The following MAML3 variants were observed in gnomAD, a reference collection of about 807,000 sequenced individuals.
The protein encoded by MAML3 is mastermind-like protein 3.
Under a neutral mutation model 101.9 loss-of-function variants are expected in MAML3, and 27 were observed. That is an observed-to-expected ratio of 0.27 (90% CI 0.20 to 0.37). The LOEUF (loss-of-function observed/expected upper bound fraction) is 0.37, where lower values mean the gene tolerates loss of function less well. MAML3 is among the 10% of genes least tolerant of loss of function. The pLI is 1.00. For synonymous variants in MAML3, 501 were observed against 555.9 expected, an observed-to-expected ratio of 0.90 and a Z score of 1.39; for missense variants, 1,316 against 1,444.9, an observed-to-expected ratio of 0.91 and a Z score of 1.45.
chr4:140,134,865 C>T (rs1728858525), intron 1 of MAML3, among the ~76,000 whole-genome samples: 1 of 152,246 alleles, frequency 6.6e-6, no homozygotes, highest in African/African-American at 2.4e-5. Flanking sequence ...GCACGAATCA[C>T]AATGGCACGG....
chr4:139,859,760 C>G (rs977217418), intron 2 of MAML3, among the ~76,000 whole-genome samples: 1 of 152,302 alleles, frequency 6.6e-6, no homozygotes, highest in Admixed American at 6.5e-5. Flanking sequence ...GGTTAATTAC[C>G]TTGCTTGTAA....
At chr4:139,829,636 C>T (rs1731127077) in intron 2 of MAML3, among the ~76,000 whole-genome samples, 1 of 152,188 alleles carries the variant, frequency 6.6e-6, no homozygotes, top group Non-Finnish European at 1.5e-5. Context: ...AAGAAAAATA[C>T]AAATCTTACC....
intron 1 of MAML3, among the ~76,000 whole-genome samples, chr4:139,979,284 A>C (rs1734402222): frequency 1.3e-5 from 2 of 152,198 alleles, no homozygotes; most frequent in Non-Finnish European, 2.9e-5. Context: ...GTCTAGACTT[A>C]CCTGGCTCAT....
At chr4:140,120,782 G>T (rs142354904) in intron 1 of MAML3, among the ~76,000 whole-genome samples, 1 of 152,114 alleles carries the variant, frequency 6.6e-6, no homozygotes, top group Non-Finnish European at 1.5e-5. Context: ...TAGGGAAAAG[G>T]TGTCCTTCAC....
At chr4:139,859,022 C>T (rs529194108) in intron 2 of MAML3, among the ~76,000 whole-genome samples, 1 of 152,180 alleles carries the variant, frequency 6.6e-6, no homozygotes, top group Admixed American at 6.5e-5. Context: ...TCTGAGAATA[C>T]CATCATGATT....
chr4:140,129,635 G>A (rs1408370657), intron 1 of MAML3, among the ~76,000 whole-genome samples: 1 of 152,014 alleles, frequency 6.6e-6, no homozygotes, highest in African/African-American at 2.4e-5. Context: ...AATCCATACA[G>A]CAACGAAAAG....
At position 139,756,534 on chromosome 4, in the gene MAML3, A is replaced by G. The variant is rs944857069; in HGVS notation, c.2080-25867T>C. On this transcript the variant is annotated intron_variant, in intron 2 of 4. Transcript: ENST00000509479. ...TTAAACCTTAAAGGGACCCCGAGGC[A>G]CTAGCTAACTTCTCCCTCACAGGGA... Among the ~76,000 whole-genome samples the G allele has an allele frequency of 3.9e-5, 6 of 152,214 alleles. No individual in the cohort carries two copies. In the East Asian group the frequency reaches 5.8e-4, roughly 15 times the overall value.
At chr4:139,895,363 T>C (rs984612082) in intron 1 of MAML3, among the ~76,000 whole-genome samples, 32 of 152,208 alleles carry the variant, frequency 2.1e-4, no homozygotes, top group African/African-American at 6.0e-4. Context: ...TTCCAGTAGC[T>C]CAGAATAGAC....
intron 1 of MAML3, among the ~76,000 whole-genome samples, chr4:140,057,085 G>A (rs1727361507): frequency 6.6e-6 from 1 of 152,058 alleles, no homozygotes; most frequent in Non-Finnish European, 1.5e-5. Flanking sequence ...GCCCAGCCTG[G>A]GCAATGAAGC....
At chr4:139,790,619 T>C (rs1730392398) in intron 2 of MAML3, among the ~76,000 whole-genome samples, 1 of 152,200 alleles carries the variant, frequency 6.6e-6, no homozygotes, top group Non-Finnish European at 1.5e-5. Context: ...TCAGGTATCT[T>C]ATATAGATGG....
chr4:139,993,343 C>T (rs755784212), intron 1 of MAML3, among the ~76,000 whole-genome samples: 1 of 74,390 alleles, frequency 1.3e-5, no homozygotes, highest in Non-Finnish European at 2.9e-5. Context: ...CAGAGTGAGA[C>T]TCCATCTCAA....
intron 1 of MAML3, among the ~76,000 whole-genome samples, chr4:140,065,988 G>A (rs536663981): frequency 2.0e-5 from 3 of 152,308 alleles, no homozygotes; most frequent in Admixed American, 1.3e-4. Flanking sequence ...ATTTGTAAGA[G>A]CTTACACAGA....
chr4:139,761,733 C>T (rs11100264), intron 2 of MAML3, among the ~76,000 whole-genome samples: 61,534 of 151,956 alleles, frequency 0.4, 14,155 homozygotes, highest in Middle Eastern at 0.55. Context: ...GCCTGTGAAA[C>T]GGTGAGGCAA....
intron 2 of MAML3, among the ~76,000 whole-genome samples, chr4:139,768,111 T>C (rs986800020): frequency 1.3e-5 from 2 of 152,160 alleles, no homozygotes; most frequent in Non-Finnish European, 2.9e-5. Flanking sequence ...ATGAGTTTTG[T>C]CTTGATGATT....
intron 1 of MAML3, among the ~76,000 whole-genome samples, chr4:139,949,076 C>T (rs1317811614): frequency 3.9e-5 from 6 of 151,960 alleles, no homozygotes; most frequent in Non-Finnish European, 5.9e-5. Flanking sequence ...AGTGCAGTGG[C>T]GCGATCTCGG....
chr4:140,093,213 A>G (rs1728092285), intron 1 of MAML3, among the ~76,000 whole-genome samples: 1 of 152,210 alleles, frequency 6.6e-6, no homozygotes, highest in East Asian at 1.9e-4. Flanking sequence ...GCCATATTAT[A>G]GACTGGTGAT....
chr4:139,803,198 G>A (rs1360831485), intron 2 of MAML3, among the ~76,000 whole-genome samples: 1 of 152,198 alleles, frequency 6.6e-6, no homozygotes, highest in East Asian at 1.9e-4. Context: ...AGAGGCTGCA[G>A]TGAGCCAAGA....
chr4:140,023,240 C>T (rs4863727), intron 1 of MAML3, among the ~76,000 whole-genome samples: 127,050 of 152,184 alleles, frequency 0.83, 53,990 homozygotes, highest in Non-Finnish European at 0.91. Flanking sequence ...AGAAGTTGCC[C>T]AGCTTCCCTG....
rs70943471 is a variant in MAML3, at chr4:140,060,365, C to CAAAAAAAAAAAAAAAAAAAAAAA, written c.468+92494_468+92495insTTTTTTTTTTTTTTTTTTTTTTT. On this transcript the variant is annotated intron_variant, in intron 1 of 4. Coordinates refer to ENST00000509479, the MANE Select transcript of MAML3 (RefSeq NM_018717.5). ...TGGGCGACAGAGTAAGACTCTGTCTCAAAAAAAAAAAAAAAAAAAAGTCAC... is the reference window on the plus strand; with the variant it reads ...TGGGCGACAGAGTAAGACTCTGTCTCAAAAAAAAAAAAAAAAAAAAAAAAAAAAAAAAAAAAAAAAAAAGTCAC... Among the ~76,000 whole-genome samples the CAAAAAAAAAAAAAAAAAAAAAAA allele has an allele frequency of 8.4e-4, 16 of 19,122 alleles. 6 individuals are homozygous for CAAAAAAAAAAAAAAAAAAAAAAA. The highest frequency in any genetic ancestry group is 1.3e-3 in the Non-Finnish European group (14 of 10,742). 12.5% of individuals were successfully genotyped at this position (19,122 alleles called of 152,430 possible).
Sources: gnomAD v4.1 joint callset for allele counts (sites outside exome capture counted in the v4.1 genomes callset) on GRCh38, gnomAD v4.1.1 for gene constraint, MANE v1.5 for transcripts, NCBI Gene and HGNC (gene_info 2026-07-23, HGNC 2026-07-21) for gene names.